MYO9A: variants seen among roughly 807,000 people sequenced by gnomAD.
The protein encoded by MYO9A is myosin IXA, also known as unconventional myosin-IXa.
A neutral mutation model predicts 293.3 loss-of-function variants in MYO9A; 103 were observed. That is an observed-to-expected ratio of 0.35 (90% CI 0.30 to 0.41). MYO9A has a LOEUF of 0.41. Among genes scored for constraint, MYO9A ranks in the 10% least tolerant of loss-of-function variants. MYO9A has a pLI of 1.00. For missense variants in MYO9A, 2,685 were observed against 3,033.0 expected, an observed-to-expected ratio of 0.89 and a Z score of 2.69; for synonymous variants, 1,001 against 1,035.7, an observed-to-expected ratio of 0.97 and a Z score of 0.64.
intron 13 of MYO9A, among the ~76,000 whole-genome samples, chr15:71,964,510 G>A (rs1170916592): frequency 3.3e-5 from 5 of 151,446 alleles, no homozygotes; most frequent in African/African-American, 4.9e-5. Context: ...GGCTGGGCGC[G>A]ATGGCTCACA....
chr15:71,842,291 C>T (rs896929484), intron 39 of MYO9A, among the ~76,000 whole-genome samples: 4 of 151,632 alleles, frequency 2.6e-5, no homozygotes, highest in African/African-American at 4.8e-5. Flanking sequence ...GCATGAGAAT[C>T]GCTTGAACCC....
chr15:71,906,758 C>CTTTCTTTCTTTTTT (rs765264146), intron 19 of MYO9A, among the ~76,000 whole-genome samples: 1 of 61,012 alleles, frequency 1.6e-5, no homozygotes, highest in Non-Finnish European at 3.1e-5. Context: ...CCATTTCTTT[C>CTTTCTTTCTTTTTT]TTTTTTTTTT....
intron 7 of MYO9A, among the ~76,000 whole-genome samples, chr15:72,009,861 T>A (rs1180557356): frequency 1.3e-5 from 2 of 152,202 alleles, no homozygotes; most frequent in Non-Finnish European, 2.9e-5. Context: ...ATTTATCTCA[T>A]CTTTATCTCA....
intron 26 of MYO9A, chr15:71,891,207 C>T (rs1027324605): frequency 6.6e-6 from 1 of 152,220 alleles, no homozygotes. Flanking sequence ...AAGCTGGCGA[C>T]GTGACTAACA....
At position 71,878,255 on chromosome 15, in the gene MYO9A, G is replaced by A. The variant is rs199674014; in HGVS notation, c.5740-24C>T. The A allele has an allele frequency of 1.1e-5, 16 of 1,469,132 alleles. No individual in the cohort carries two copies. In the African/African-American group the frequency reaches 1.3e-4, roughly 12 times the overall value. The allele number at this position is 1,469,132 out of a possible 1,614,324, so 91.0% of individuals were successfully genotyped here. On this transcript the variant is annotated intron_variant, in intron 30 of 41. Transcript: ENST00000356056. ...ATCTATAAGCAATAAGAAAAGAAAT[G>A]TATGGTTTTATAAAGAAACTCCTTA...
intron 13 of MYO9A, among the ~76,000 whole-genome samples, chr15:71,964,106 A>G (rs2075811429): frequency 6.6e-6 from 1 of 152,162 alleles, no homozygotes; most frequent in Non-Finnish European, 1.5e-5. Flanking sequence ...GTTATGTAGT[A>G]AAGTTCTTTT....
chr15:71,955,167 G>A (rs930645493), intron 14 of MYO9A, among the ~76,000 whole-genome samples: 16 of 141,934 alleles, frequency 1.1e-4, no homozygotes, highest in African/African-American at 4.2e-4. Context: ...CGCTCTTGTT[G>A]CCCAGGCTGG....
chr15:71,918,944 C>T (rs539812629), intron 18 of MYO9A, among the ~76,000 whole-genome samples: 4 of 152,222 alleles, frequency 2.6e-5, no homozygotes, highest in East Asian at 1.9e-4. Context: ...ACTCTATAGC[C>T]GGGCCCTCAC....
intron 11 of MYO9A, among the ~76,000 whole-genome samples, chr15:71,982,005 ATTTTTTTTTTTTT>A (rs750930471): frequency 1.1e-4 from 6 of 56,308 alleles, no homozygotes; most frequent in Admixed American, 3.0e-4. Context: ...CCTATTTAGA[ATTTTTTTTTTTTT>A]TTTTTTTTTT....
chr15:72,101,916 C>G (rs1190521085), intron 1 of MYO9A, among the ~76,000 whole-genome samples: 2 of 152,226 alleles, frequency 1.3e-5, no homozygotes, highest in African/African-American at 4.8e-5. Context: ...AGGTGAGGGG[C>G]GCCTCTGCCC....
At chr15:71,996,776 G>A (rs1446608855) in intron 9 of MYO9A, among the ~76,000 whole-genome samples, 1 of 151,726 alleles carries the variant, frequency 6.6e-6, no homozygotes, top group Non-Finnish European at 1.5e-5. Flanking sequence ...CGCAGCCTCC[G>A]AACTCATCTC....
chr15:71,840,691 G>A (rs1391176956), intron 39 of MYO9A, among the ~76,000 whole-genome samples: 2 of 151,918 alleles, frequency 1.3e-5, no homozygotes, highest in African/African-American at 2.4e-5. Context: ...GTGCAGTGGC[G>A]CGATCTAGGC....
chr15:71,936,331 G>A (rs1018101013), intron 16 of MYO9A, among the ~76,000 whole-genome samples: 3 of 152,110 alleles, frequency 2.0e-5, no homozygotes, highest in Admixed American at 1.3e-4. Flanking sequence ...TGAGGTGGAG[G>A]GGTGCAGTAA....
intron 1 of MYO9A, among the ~76,000 whole-genome samples, chr15:72,072,762 G>A (rs1011265525): frequency 6.6e-6 from 1 of 152,106 alleles, no homozygotes; most frequent in Non-Finnish European, 1.5e-5. Context: ...AGGAGGGGAG[G>A]AGGGAAAGTC....
At chr15:71,880,246 AT>A in intron 29 of MYO9A, 88 bp downstream of exon 29, 1 of 1,134,284 alleles carries the variant, frequency 8.8e-7, no homozygotes, top group Non-Finnish European at 1.3e-6. Context: ...AGCATATGTA[AT>A]TTTGATATCT....
At chr15:71,977,887 A>C (rs2076182096) in intron 12 of MYO9A, among the ~76,000 whole-genome samples, 1 of 152,110 alleles carries the variant, frequency 6.6e-6, no homozygotes, top group East Asian at 1.9e-4. Context: ...AATACAAAAA[A>C]TTAGCCAGGC....
rs572713326 is a variant in MYO9A, at chr15:72,065,564, GAAC to G, written c.-71-18933_-71-18931del. ...TTACATGAACCTAGAGTGGGATCTC[GAAC>G]AACAACAACAACAAAAAAAACACAC... On this transcript the variant is annotated intron_variant, in intron 1 of 41. Coordinates refer to ENST00000356056, the MANE Select transcript of MYO9A (RefSeq NM_006901.4). 1.4e-4 allele frequency among the ~76,000 whole-genome samples: 20 copies of G among 147,268 alleles called. 1 individual carries two copies. In the South Asian group the frequency reaches 2.2e-3, roughly 16 times the overall value.
At chr15:72,010,562 A>T (rs544399919) in intron 6 of MYO9A, 115 bp from the exon 7 acceptor site, 1 of 808,054 alleles carries the variant, frequency 1.2e-6, no homozygotes, top group East Asian at 2.7e-5. Context: ...TGCAAATTAG[A>T]GCTGGTAGAA....
At chr15:71,934,935 C>A (rs1237035506) in intron 17 of MYO9A, among the ~76,000 whole-genome samples, 1 of 151,600 alleles carries the variant, frequency 6.6e-6, no homozygotes, top group East Asian at 1.9e-4. Context: ...CTCAACCATT[C>A]ACCATTTATA....
Sources: gnomAD v4.1 joint callset for allele counts (sites outside exome capture counted in the v4.1 genomes callset) on GRCh38, gnomAD v4.1.1 for gene constraint, MANE v1.5 for transcripts, NCBI Gene and HGNC (gene_info 2026-07-23, HGNC 2026-07-21) for gene names.